Variants in FAM13B observed in about 807,000 individuals in gnomAD.
FAM13B encodes the protein family with sequence similarity 13 member B, also known as protein FAM13B.
A neutral mutation model predicts 117.3 loss-of-function variants in FAM13B; 60 were observed. The ratio of observed to expected loss-of-function variants is 0.51; its 90% CI spans 0.42 to 0.63. The LOEUF (loss-of-function observed/expected upper bound fraction) is 0.63, where lower values mean the gene tolerates loss of function less well. Among genes scored for constraint, FAM13B ranks in the 30% least tolerant of loss-of-function variants. FAM13B has a pLI of 0.00. For missense variants in FAM13B, 972 were observed against 1,091.9 expected (o/e 0.89, Z 1.55); for synonymous variants, 332 against 356.1 (o/e 0.93, Z 0.76).
intron 6 of FAM13B, among the ~76,000 whole-genome samples, chr5:138,008,817 A>C (rs1783195876): frequency 6.6e-6 from 1 of 152,212 alleles, no homozygotes; most frequent in Non-Finnish European, 1.5e-5. Context: ...TATCAAGCTC[A>C]CTAGTCAGAT....
upstream of FAM13B, among the ~76,000 whole-genome samples, chr5:138,035,005 T>TTTTTTTTTTTTTG: frequency 1.0e-5 from 1 of 96,902 alleles, no homozygotes; most frequent in Non-Finnish European, 2.2e-5. Flanking sequence ...CTTTTTTTTT[T>TTTTTTTTTTTTTG]TTTTTTTTTT....
intron 6 of FAM13B, 122 bp downstream of exon 6, chr5:138,010,886 A>T (rs1480912418): frequency 9.5e-7 from 1 of 1,049,878 alleles, no homozygotes; most frequent in East Asian, 3.0e-5. Flanking sequence ...ATAATAACCA[A>T]GATAATTACT....
chr5:137,943,237 AAT>A (rs777249871), intron 20 of FAM13B, 21 bp from the exon 21 acceptor site: 92 of 1,588,166 alleles, frequency 5.8e-5, no homozygotes, highest in Non-Finnish European at 7.7e-5. Context: ...CAATAATATA[AAT>A]AGTTTTACAT....
Position 138,011,149 on chromosome 5 carries a change from G to A in FAM13B, c.549C>T (p.His183=). 1 of 1,600,002 alleles carries A rather than the reference G, an allele frequency of 6.2e-7. No individual in the cohort carries two copies. Among genetic ancestry groups the A allele is most frequent in the South Asian group, 1.1e-5 (1 of 87,718 alleles). Residue 183 remains histidine, a splice_region_variant and synonymous_variant, in exon 6 of 24, where the codon CAC becomes CAT. Coordinates refer to ENST00000689681, the MANE Select transcript of FAM13B (RefSeq NM_001385994.1). ...LAAVFGPDVF[H]IYTDVEDMKE... ...TCATGTCTTCCACATCTGTGTAAAT[G>A]CTAAGAATAGAAGTCCAAATTGAAT...
intron 4 of FAM13B, among the ~76,000 whole-genome samples, chr5:138,013,779 T>A (rs1230831558): frequency 6.6e-6 from 1 of 152,188 alleles, no homozygotes; most frequent in Non-Finnish European, 1.5e-5. Context: ...AAGCACTTAA[T>A]ATTATCAATA....
chr5:138,044,953 C>T (rs970414888), intron 1 of FAM13B, among the ~76,000 whole-genome samples: 6 of 152,198 alleles, frequency 3.9e-5, no homozygotes, highest in African/African-American at 9.6e-5. Context: ...ATAATAAACT[C>T]GCCAGCATGG....
intron 7 of FAM13B, among the ~76,000 whole-genome samples, chr5:138,002,202 G>C (rs1781440675): frequency 1.3e-5 from 2 of 152,140 alleles, no homozygotes; most frequent in Non-Finnish European, 2.9e-5. Context: ...AGAATAAAAA[G>C]CTTAAGTGGA....
intron 17 of FAM13B, among the ~76,000 whole-genome samples, chr5:137,949,737 T>C (rs1357450532): frequency 1.3e-4 from 20 of 150,426 alleles, no homozygotes; most frequent in Admixed American, 9.3e-4. Context: ...AAGGCGGAGG[T>C]TGCAGTGAGC....
rs899795721 is a variant in FAM13B, at chr5:138,018,241, A to T, written c.370+61T>A. On this transcript the variant is annotated intron_variant, in intron 4 of 23. Transcript: ENST00000689681. ...TACTGTTTACATGTCAAGATTTCTA[A>T]AAGGTAAAGACTAGGAAATTAACAA... 6.9e-6 allele frequency: 9 copies of T among 1,306,442 alleles called. No homozygotes were observed. The African/African-American group carries it at 1.2e-4, about 17-fold the overall frequency. 80.9% of individuals were successfully genotyped at this position (1,306,442 alleles called of 1,614,324 possible). A position where few individuals can be genotyped will look rare whatever the true frequency, so the allele number is the denominator to read the frequency against.
At chr5:138,011,258 T>A in intron 5 of FAM13B, 109 bp from the exon 6 acceptor site, 2 of 1,004,792 alleles carry the variant, frequency 2.0e-6, no homozygotes, top group Non-Finnish European at 2.9e-6. Context: ...ATGTTACCAT[T>A]CTGTGCTTCC....
chr5:138,020,209 C>T (rs1280772208), intron 2 of FAM13B, among the ~76,000 whole-genome samples: 4 of 150,608 alleles, frequency 2.7e-5, no homozygotes, highest in African/African-American at 9.8e-5. Context: ...TACAGGTGTG[C>T]GCCACCACGC....
chr5:137,974,352 C>T (rs1294416275), intron 10 of FAM13B, among the ~76,000 whole-genome samples: 5 of 149,902 alleles, frequency 3.3e-5, no homozygotes, highest in East Asian at 2.0e-4. Context: ...AGTAAACTAT[C>T]GCAAGAACAA....
At chr5:138,045,035 T>C (rs981728493) in intron 1 of FAM13B, among the ~76,000 whole-genome samples, 8 of 152,234 alleles carry the variant, frequency 5.3e-5, no homozygotes, top group Admixed American at 4.6e-4. Flanking sequence ...AGTAGCAGTG[T>C]AAATTCTAAA....
intron 7 of FAM13B, among the ~76,000 whole-genome samples, chr5:138,001,340 T>A (rs1285051011): frequency 2.0e-5 from 3 of 152,198 alleles, no homozygotes; most frequent in Non-Finnish European, 4.4e-5. Context: ...GAGCTCCCTA[T>A]ATACTAGGCC....
chr5:137,963,630 A>G (rs1768794750), intron 10 of FAM13B, among the ~76,000 whole-genome samples: 1 of 152,176 alleles, frequency 6.6e-6, no homozygotes, highest in South Asian at 2.1e-4. Flanking sequence ...TTTTATGATC[A>G]ATAACAGGTG....
rs542320152 is a variant in FAM13B at position 137,966,776 on chromosome 5, T to A, written c.1180-4307A>T. Among the ~76,000 whole-genome samples, 9 of 152,220 alleles carry A rather than the reference T, an allele frequency of 5.9e-5. No homozygotes were observed. In the East Asian group the frequency reaches 1.5e-3, roughly 26 times the overall value. ...ATGTGGCACTGTCACTCATTGCTGG[T>A]GAATGAATGAGAAACACACTCAACT... On this transcript the variant is annotated intron_variant, in intron 10 of 23. Coordinates refer to ENST00000689681, the MANE Select transcript of FAM13B (RefSeq NM_001385994.1).
chr5:138,047,255 T>A (rs10036256), intron 1 of FAM13B, among the ~76,000 whole-genome samples: 1 of 150,896 alleles, frequency 6.6e-6, no homozygotes, highest in African/African-American at 2.4e-5. Flanking sequence ...ACCTGTAATC[T>A]CAGCACTTTG....
At chr5:138,036,628 T>A, upstream of FAM13B, 1 of 456,370 alleles carries the variant, frequency 2.2e-6, no homozygotes. Context: ...TCAATAATTC[T>A]GGTTTGGCCT....
Position 137,939,926 on chromosome 5 carries a change from A to G in FAM13B, c.*299T>C. Reference sequence around the variant, plus strand: ...TTCCAAAGTTCTTGAAGTTGAAAGGATAAAATTCCAGTCTTTTGCTAAAAG... The same window carrying G: ...TTCCAAAGTTCTTGAAGTTGAAAGGGTAAAATTCCAGTCTTTTGCTAAAAG... On this transcript the variant is annotated 3_prime_UTR_variant, in exon 24 of 24. Coordinates refer to ENST00000689681, the MANE Select transcript of FAM13B (RefSeq NM_001385994.1). 7.4e-7 allele frequency: 1 copy of G among 1,344,546 alleles called. No homozygotes were observed. The highest frequency in any genetic ancestry group is 3.6e-5 in the Admixed American group (1 of 28,008). The allele number at this position is 1,344,546 out of a possible 1,614,324, so 83.3% of individuals were successfully genotyped here. A position where few individuals can be genotyped will look rare whatever the true frequency, so the allele number is the denominator to read the frequency against.
Sources: gnomAD v4.1 joint callset for allele counts (sites outside exome capture counted in the v4.1 genomes callset) on GRCh38, gnomAD v4.1.1 for gene constraint, MANE v1.5 for transcripts, NCBI Gene and HGNC (gene_info 2026-07-23, HGNC 2026-07-21) for gene names.